SGCZ: variants seen among roughly 807,000 people sequenced by gnomAD.
SGCZ encodes the protein sarcoglycan zeta, also known as zeta-sarcoglycan.
A neutral mutation model predicts 41.3 loss-of-function variants in SGCZ; 40 were observed. The observed-to-expected ratio is 0.97, with a 90% CI of 0.75 to 1.26. The LOEUF (loss-of-function observed/expected upper bound fraction) is 1.26. Among genes scored for constraint, SGCZ ranks in the 50% most tolerant of loss-of-function variants. The probability of loss-of-function intolerance (pLI) is 0.00; values close to 1 mark genes in which losing one functional copy is unlikely to be tolerated. For missense variants in SGCZ, 552 were observed against 369.8 expected, an observed-to-expected ratio of 1.49 and a Z score of -4.04; for synonymous variants, 206 against 137.5, an observed-to-expected ratio of 1.50 and a Z score of -3.49.
In SGCZ at chr8:14,372,411, A is replaced by G. The variant is rs1415021860; in HGVS notation, c.235-48207T>C. On this transcript the variant is annotated intron_variant, in intron 2 of 7. Transcript: ENST00000382080. ...TTTATTCTGTGCCAGATAATCTTCT[A>G]TGTTCTCAAGACAGAGAAGTGAGCA... is the stretch of plus-strand genomic sequence containing the variant. Among the ~76,000 whole-genome samples the G allele has an allele frequency of 2.6e-5, 4 of 152,268 alleles. No individual in the cohort carries two copies. In the East Asian group the frequency reaches 5.8e-4, roughly 22 times the overall value.
At chr8:14,130,191 AT>A (rs1802994965) in intron 5 of SGCZ, among the ~76,000 whole-genome samples, 1 of 152,286 alleles carries the variant, frequency 6.6e-6, no homozygotes, top group Admixed American at 6.5e-5. Context: ...TGGCCAACTG[AT>A]TTTTAAGAGT....
At chr8:14,873,175 C>A (rs1447903296) in intron 1 of SGCZ, among the ~76,000 whole-genome samples, 1 of 151,976 alleles carries the variant, frequency 6.6e-6, no homozygotes, top group Non-Finnish European at 1.5e-5. Context: ...CAGACAGAAT[C>A]CATGGAGGTA....
At chr8:14,203,215 G>T (rs575401995) in intron 4 of SGCZ, among the ~76,000 whole-genome samples, 2 of 152,206 alleles carry the variant, frequency 1.3e-5, no homozygotes, top group Non-Finnish European at 2.9e-5. Context: ...GATATATTTA[G>T]GTGTGTTTGA....
chr8:14,197,597 C>A (rs558239195), intron 4 of SGCZ, among the ~76,000 whole-genome samples: 45 of 151,922 alleles, frequency 3.0e-4, no homozygotes, highest in African/African-American at 1.0e-3. Context: ...AAGCTTCTGT[C>A]AAAATTCAAA....
intron 1 of SGCZ, among the ~76,000 whole-genome samples, chr8:14,841,239 A>T (rs1329078267): frequency 6.6e-6 from 1 of 152,148 alleles, no homozygotes; most frequent in East Asian, 1.9e-4. Flanking sequence ...AATGTAAACT[A>T]AAGAGCAATC....
intron 4 of SGCZ, among the ~76,000 whole-genome samples, chr8:14,180,567 G>T (rs974353557): frequency 2.0e-5 from 3 of 151,878 alleles, no homozygotes; most frequent in Non-Finnish European, 4.4e-5. Context: ...AAAAAAAAAT[G>T]ACCTGTTAAA....
intron 3 of SGCZ, among the ~76,000 whole-genome samples, chr8:14,306,697 T>C (rs1015048178): frequency 6.7e-6 from 1 of 149,858 alleles, no homozygotes; most frequent in African/African-American, 2.5e-5. Flanking sequence ...GAAGAAAAAA[T>C]AAGTGTCATT....
intron 1 of SGCZ, among the ~76,000 whole-genome samples, chr8:14,737,917 T>G (rs1799093829): frequency 6.6e-6 from 1 of 152,146 alleles, no homozygotes; most frequent in African/African-American, 2.4e-5. Context: ...AGATACATTA[T>G]TTTATTCTAT....
intron 1 of SGCZ, among the ~76,000 whole-genome samples, chr8:15,119,205 T>C (rs749199090): frequency 2.6e-5 from 4 of 152,166 alleles, no homozygotes; most frequent in Non-Finnish European, 5.9e-5. Flanking sequence ...TTTTATGATA[T>C]CAAACAGCTT....
chr8:14,560,259 C>A (rs1804168385), intron 1 of SGCZ, among the ~76,000 whole-genome samples: 1 of 151,880 alleles, frequency 6.6e-6, no homozygotes, highest in African/African-American at 2.4e-5. Flanking sequence ...TTATGAATAA[C>A]CTAATTGTCC....
intron 1 of SGCZ, among the ~76,000 whole-genome samples, chr8:15,208,233 C>A (rs2117152258): frequency 6.6e-6 from 1 of 152,262 alleles, no homozygotes; most frequent in Non-Finnish European, 1.5e-5. Flanking sequence ...ATGATGAAAG[C>A]ATTCATCAGA....
chr8:14,595,917 G>C (rs1256281347), intron 1 of SGCZ, among the ~76,000 whole-genome samples: 3 of 152,160 alleles, frequency 2.0e-5, no homozygotes, highest in African/African-American at 7.2e-5. Flanking sequence ...ATGTTAGGTT[G>C]TCCAATGTGT....
At chr8:15,007,428 A>G (rs1802644433) in intron 1 of SGCZ, among the ~76,000 whole-genome samples, 1 of 152,230 alleles carries the variant, frequency 6.6e-6, no homozygotes, top group African/African-American at 2.4e-5. Context: ...TCTGATTCGA[A>G]CTTTCTACAA....
chr8:14,158,386 C>T (rs1046889251), intron 5 of SGCZ, among the ~76,000 whole-genome samples: 1 of 151,940 alleles, frequency 6.6e-6, no homozygotes, highest in Non-Finnish European at 1.5e-5. Context: ...AATGCGATCT[C>T]CACAGAGCAA....
chr8:15,070,356 A>G (rs1210385586), intron 1 of SGCZ, among the ~76,000 whole-genome samples: 1 of 152,202 alleles, frequency 6.6e-6, no homozygotes, highest in Admixed American at 6.5e-5. Context: ...AAATTTATAT[A>G]TACATGCTTG....
chr8:15,232,743 G>GTA (rs1450991422), intron 1 of SGCZ, among the ~76,000 whole-genome samples: 2 of 142,024 alleles, frequency 1.4e-5, no homozygotes, highest in Non-Finnish European at 3.1e-5. Context: ...ATATATGTGT[G>GTA]TATATATATA....
At chr8:14,898,007 T>C (rs1003254458) in intron 1 of SGCZ, among the ~76,000 whole-genome samples, 6 of 152,190 alleles carry the variant, frequency 3.9e-5, no homozygotes, top group Admixed American at 2.0e-4. Flanking sequence ...AATTATTATT[T>C]TATAGTTGAT....
At chr8:15,024,663 G>T (rs1803381282) in intron 1 of SGCZ, among the ~76,000 whole-genome samples, 1 of 152,058 alleles carries the variant, frequency 6.6e-6, no homozygotes. Context: ...GTCAGGCCGG[G>T]TGGTGGCTCA....
intron 1 of SGCZ, among the ~76,000 whole-genome samples, chr8:14,973,706 G>A (rs1234511906): frequency 7.9e-5 from 12 of 152,092 alleles, no homozygotes; most frequent in East Asian, 1.9e-4. Flanking sequence ...AACTTCTTAC[G>A]ACCTTAGAAA....
Sources: gnomAD v4.1 joint callset for allele counts (sites outside exome capture counted in the v4.1 genomes callset) on GRCh38, gnomAD v4.1.1 for gene constraint, MANE v1.5 for transcripts, NCBI Gene and HGNC (gene_info 2026-07-23, HGNC 2026-07-21) for gene names.